The following RUNX2 variants were observed in gnomAD, a reference collection of about 807,000 sequenced individuals.
The protein encoded by RUNX2 is runt-related transcription factor 2.
Under a neutral mutation model 51.7 loss-of-function variants are expected in RUNX2, and 10 were observed. The observed-to-expected ratio is 0.19, with a 90% CI of 0.12 to 0.33. RUNX2 has a LOEUF of 0.33. Among genes scored for constraint, RUNX2 ranks in the 10% least tolerant of loss-of-function variants. RUNX2 has a pLI of 1.00. For missense variants in RUNX2, 562 were observed against 691.3 expected, an observed-to-expected ratio of 0.81 and a Z score of 2.10; for synonymous variants, 276 against 273.6, an observed-to-expected ratio of 1.01 and a Z score of -0.09.
chr6:45,441,547 T>C (rs1798842419), intron 5 of RUNX2, among the ~76,000 whole-genome samples: 1 of 152,254 alleles, frequency 6.6e-6, no homozygotes, highest in South Asian at 2.1e-4. Context: ...GTTCATTAAG[T>C]GTCAGCTATT....
chr6:45,507,979 C>T (rs2150417913), intron 6 of RUNX2, among the ~76,000 whole-genome samples: 1 of 152,162 alleles, frequency 6.6e-6, no homozygotes, highest in South Asian at 2.1e-4. Flanking sequence ...AGGAGATATT[C>T]TTATTTACTC....
chr6:45,346,767 A>C (rs1790967910), intron 2 of RUNX2, among the ~76,000 whole-genome samples: 1 of 151,984 alleles, frequency 6.6e-6, no homozygotes, highest in East Asian at 1.9e-4. Flanking sequence ...CAGTTTCACC[A>C]TGTTGGTCAG....
intron 7 of RUNX2, among the ~76,000 whole-genome samples, chr6:45,538,913 G>A (rs929196057): frequency 1.3e-5 from 2 of 152,112 alleles, no homozygotes; most frequent in Non-Finnish European, 2.9e-5. Flanking sequence ...GGTGTCCTGG[G>A]TGCTGGCCTC....
intron 2 of RUNX2, among the ~76,000 whole-genome samples, chr6:45,397,389 G>A (rs551026337): frequency 2.0e-5 from 3 of 152,192 alleles, no homozygotes; most frequent in East Asian, 1.9e-4. Context: ...GATTACAGGC[G>A]TGAGCAACCA....
chr6:45,431,477 C>T (rs1178003170), intron 3 of RUNX2, among the ~76,000 whole-genome samples: 2 of 152,190 alleles, frequency 1.3e-5, no homozygotes, highest in Admixed American at 1.3e-4. Flanking sequence ...CCTCAGGGCT[C>T]TCCCTGAGAG....
intron 5 of RUNX2, among the ~76,000 whole-genome samples, chr6:45,451,318 G>A (rs1168892436): frequency 6.6e-6 from 1 of 152,066 alleles, no homozygotes; most frequent in Non-Finnish European, 1.5e-5. Context: ...AATAGGAGTG[G>A]GCTTGTACTA....
rs1017347986 is a variant in RUNX2, at chr6:45,444,097, G to A, written c.685+6046G>A. Among the ~76,000 whole-genome samples, 13 of 152,280 alleles carry A rather than the reference G, an allele frequency of 8.5e-5. No individual in the cohort carries two copies. The East Asian group carries it at 1.5e-3, about 18-fold the overall frequency. On this transcript the variant is annotated intron_variant, in intron 5 of 8. Transcript: ENST00000647337. ...CCTCCTGACCTCAGGTGATCTGCCC[G>A]CCTCGGCCTCCCAAAGTGCTGGGAT...
At chr6:45,483,110 GTC>G (rs1242014428) in intron 5 of RUNX2, among the ~76,000 whole-genome samples, 1 of 152,178 alleles carries the variant, frequency 6.6e-6, no homozygotes, top group Non-Finnish European at 1.5e-5. Context: ...TTCTAGGGCT[GTC>G]TCTACTCACG....
chr6:45,448,085 TC>T (rs1451365075), intron 5 of RUNX2, among the ~76,000 whole-genome samples: 1 of 152,196 alleles, frequency 6.6e-6, no homozygotes, highest in Non-Finnish European at 1.5e-5. Flanking sequence ...GGGAAATGTT[TC>T]TAAGCTCCTG....
intron 5 of RUNX2, among the ~76,000 whole-genome samples, chr6:45,469,984 AC>A (rs1799749238): frequency 6.6e-6 from 1 of 152,058 alleles, no homozygotes; most frequent in African/African-American, 2.4e-5. Context: ...AAGAAATCAG[AC>A]CCCTTTGACA....
intron 4 of RUNX2, among the ~76,000 whole-genome samples, chr6:45,435,361 C>CT (rs1554386963): frequency 6.6e-6 from 1 of 152,014 alleles, no homozygotes; most frequent in Non-Finnish European, 1.5e-5. Flanking sequence ...TCTATTTTAT[C>CT]TTTTTTTCTT....
chr6:45,455,886 A>T (rs1344518018), intron 5 of RUNX2, among the ~76,000 whole-genome samples: 1 of 152,246 alleles, frequency 6.6e-6, no homozygotes, highest in Non-Finnish European at 1.5e-5. Context: ...TTGTAGATAA[A>T]TGCCCTGCCA....
At chr6:45,403,102 G>T (rs1213213789) in intron 2 of RUNX2, among the ~76,000 whole-genome samples, 1 of 151,808 alleles carries the variant, frequency 6.6e-6, no homozygotes, top group African/African-American at 2.4e-5. Context: ...TTATAATAAA[G>T]ATCCAAGTTC....
intron 2 of RUNX2, among the ~76,000 whole-genome samples, chr6:45,397,913 G>T (rs1214887325): frequency 6.6e-6 from 1 of 152,140 alleles, no homozygotes; most frequent in Non-Finnish European, 1.5e-5. Context: ...AGGCAGGGAG[G>T]ATCTTATCTC....
At chr6:45,340,315 G>A (rs1349151571) in intron 2 of RUNX2, among the ~76,000 whole-genome samples, 2 of 152,036 alleles carry the variant, frequency 1.3e-5, no homozygotes, top group Non-Finnish European at 2.9e-5. Context: ...AGATTAAGGT[G>A]AGGTTTGTTA....
At chr6:45,350,555 A>G (rs1327556176) in intron 2 of RUNX2, among the ~76,000 whole-genome samples, 1 of 152,228 alleles carries the variant, frequency 6.6e-6, no homozygotes, top group Non-Finnish European at 1.5e-5. Flanking sequence ...GCTGAGTAAC[A>G]CTGCTTTAGA....
At chr6:45,345,592 C>A (rs760105671) in intron 2 of RUNX2, among the ~76,000 whole-genome samples, 4 of 152,056 alleles carry the variant, frequency 2.6e-5, no homozygotes, top group Non-Finnish European at 5.9e-5. Context: ...CTCATAAATC[C>A]CCAAGACCTA....
chr6:45,496,519 C>G (rs1042061040), intron 6 of RUNX2, among the ~76,000 whole-genome samples: 1 of 152,086 alleles, frequency 6.6e-6, no homozygotes, highest in Non-Finnish European at 1.5e-5. Context: ...GGTAACAACT[C>G]GGAGAGGGAA....
intron 7 of RUNX2, among the ~76,000 whole-genome samples, chr6:45,541,863 T>TCCAATCTC (rs1802241006): frequency 6.6e-6 from 1 of 152,216 alleles, no homozygotes. Flanking sequence ...AATTTCTTTT[T>TCCAATCTC]TGTTCTAGAG....
Sources: allele counts gnomAD v4.1 joint callset (sites outside exome capture counted in the v4.1 genomes callset), GRCh38; gene constraint gnomAD v4.1.1; transcripts MANE v1.5; gene names NCBI Gene and HGNC (gene_info 2026-07-23, HGNC 2026-07-21).